The following PTPRG variants were observed in gnomAD, a reference collection of about 807,000 sequenced individuals.
The protein encoded by PTPRG is receptor-type tyrosine-protein phosphatase gamma.
Under a neutral mutation model 165.3 loss-of-function variants are expected in PTPRG, and 102 were observed. The ratio of observed to expected loss-of-function variants is 0.62; its 90% confidence interval spans 0.53 to 0.73. The LOEUF (loss-of-function observed/expected upper bound fraction) is 0.73. Ranked by LOEUF, PTPRG falls within the 30% of genes least tolerant of loss-of-function variation. The pLI, the probability that PTPRG is intolerant of heterozygous loss-of-function variation, is 0.00. For synonymous variants in PTPRG, 675 were observed against 669.5 expected, an observed-to-expected ratio of 1.01 and a Z score of -0.13; for missense variants, 1,866 against 1,861.4, an observed-to-expected ratio of 1.00 and a Z score of -0.05.
intron 6 of PTPRG, among the ~76,000 whole-genome samples, chr3:62,140,534 A>G (rs1187510490): frequency 6.6e-6 from 1 of 152,154 alleles, no homozygotes; most frequent in African/African-American, 2.4e-5. Flanking sequence ...ATTAATCCAT[A>G]GTGATGAAAG....
intron 2 of PTPRG, among the ~76,000 whole-genome samples, chr3:61,824,154 A>G (rs1262242612): frequency 6.6e-6 from 1 of 152,082 alleles, no homozygotes; most frequent in Non-Finnish European, 1.5e-5. Flanking sequence ...ATGAAAAATG[A>G]GTTGACAGTT....
intron 1 of PTPRG, among the ~76,000 whole-genome samples, chr3:61,640,025 G>A (rs1702019944): frequency 6.6e-6 from 1 of 152,088 alleles, no homozygotes; most frequent in South Asian, 2.1e-4. Context: ...AGTATGGAGT[G>A]GTATATACCT....
intron 1 of PTPRG, among the ~76,000 whole-genome samples, chr3:61,711,360 A>G (rs765067271): frequency 1.3e-5 from 2 of 152,260 alleles, no homozygotes; most frequent in Admixed American, 6.5e-5. Context: ...GTCTTCTACA[A>G]TGGTTGAACT....
At chr3:62,209,616 C>T (rs1039020267) in intron 12 of PTPRG, among the ~76,000 whole-genome samples, 1 of 152,148 alleles carries the variant, frequency 6.6e-6, no homozygotes, top group Non-Finnish European at 1.5e-5. Context: ...AGGTTTCTTT[C>T]TAGAGAAATG....
In PTPRG at chr3:62,141,260, AAG is replaced by A. The variant is rs1171399300; in HGVS notation, c.682+8596_682+8597del. Among the ~76,000 whole-genome samples, 129 of 152,112 alleles carry A rather than the reference AAG, an allele frequency of 8.5e-4. 1 individual carries two copies. Among genetic ancestry groups the A allele is most frequent in the Non-Finnish European group, 1.5e-4 (10 of 68,024 alleles). ...TGGCAGTATCTAGTAAAATGAATCT[AAG>A]AGATTCCATTTCTATGTCTGTCCCC... On this transcript the variant is annotated intron_variant, in intron 6 of 29. Coordinates refer to ENST00000474889, the MANE Select transcript of PTPRG (RefSeq NM_002841.4).
intron 2 of PTPRG, among the ~76,000 whole-genome samples, chr3:61,882,878 T>G (rs937768368): frequency 1.3e-5 from 2 of 152,220 alleles, no homozygotes; most frequent in Non-Finnish European, 2.9e-5. Context: ...CCTTCAGTAT[T>G]CAGCCTTCAT....
intron 6 of PTPRG, among the ~76,000 whole-genome samples, chr3:62,145,407 A>C (rs1704081832): frequency 6.6e-6 from 1 of 152,186 alleles, no homozygotes. Context: ...GTGGACTTGA[A>C]TATGGAAACC....
At chr3:61,658,710 T>C (rs909054451) in intron 1 of PTPRG, among the ~76,000 whole-genome samples, 1 of 152,196 alleles carries the variant, frequency 6.6e-6, no homozygotes, top group Non-Finnish European at 1.5e-5. Context: ...TTCACTGCTC[T>C]GTCTCAGCAC....
chr3:61,583,800 C>T (rs1444597720), intron 1 of PTPRG, among the ~76,000 whole-genome samples: 1 of 152,130 alleles, frequency 6.6e-6, no homozygotes, highest in Non-Finnish European at 1.5e-5. Context: ...TGATCCTTGC[C>T]CTTTCAAAGC....
intron 7 of PTPRG, among the ~76,000 whole-genome samples, chr3:62,166,347 A>G (rs1038251427): frequency 6.8e-6 from 1 of 147,494 alleles, no homozygotes; most frequent in Admixed American, 6.8e-5. Flanking sequence ...TTTTTTTATT[A>G]TTTTTTTGAG....
At chr3:62,191,783 A>G (rs1237395884) in intron 9 of PTPRG, 130 bp downstream of exon 9, 1 of 973,938 alleles carries the variant, frequency 1.0e-6, no homozygotes, top group Admixed American at 2.6e-5. Context: ...GAACATGGGC[A>G]CTGCCATTGC....
At chr3:61,606,157 G>C (rs1700999922) in intron 1 of PTPRG, among the ~76,000 whole-genome samples, 1 of 152,226 alleles carries the variant, frequency 6.6e-6, no homozygotes, top group Non-Finnish European at 1.5e-5. Context: ...AAATTAGGGT[G>C]CCAGCCAGGG....
rs10642619 is a variant in PTPRG at position 61,870,317 on chromosome 3, C to CTTTT, written c.191-119296_191-119293dup. On this transcript the variant is annotated intron_variant, in intron 2 of 29. Coordinates refer to ENST00000474889, the MANE Select transcript of PTPRG (RefSeq NM_002841.4). ...CCATTGTCAACTAGGAAAAATTATT[C>CTTTT]TTTTTTTTTTTTTTTGGAGACGGAG... is the stretch of plus-strand genomic sequence containing the variant. Among the ~76,000 whole-genome samples, 1,241 of 136,336 alleles carry CTTTT rather than the reference C, an allele frequency of 9.1e-3. 36 individuals are homozygous for CTTTT. The highest frequency in any genetic ancestry group is 0.031 in the African/African-American group (1,135 of 36,332). The allele number at this position is 136,336 out of a possible 152,430, so 89.4% of individuals were successfully genotyped here.
intron 2 of PTPRG, among the ~76,000 whole-genome samples, chr3:61,923,942 G>T (rs754066261): frequency 2.6e-5 from 4 of 152,016 alleles, no homozygotes; most frequent in Admixed American, 2.0e-4. Context: ...GAATAACTAG[G>T]AGAAACATTC....
At chr3:61,746,438 AT>A (rs926171055) in intron 1 of PTPRG, among the ~76,000 whole-genome samples, 1 of 151,428 alleles carries the variant, frequency 6.6e-6, no homozygotes, top group African/African-American at 2.4e-5. Context: ...ACACGCGCTA[AT>A]TTTTTTATTT....
chr3:61,957,080 T>C (rs2040049773), intron 2 of PTPRG, among the ~76,000 whole-genome samples: 1 of 152,246 alleles, frequency 6.6e-6, no homozygotes, highest in Non-Finnish European at 1.5e-5. Flanking sequence ...GAATGCATGC[T>C]GCTTGTCTAT....
chr3:62,283,754 A>G (rs767871098), intron 28 of PTPRG, among the ~76,000 whole-genome samples: 40 of 152,092 alleles, frequency 2.6e-4, no homozygotes, highest in Non-Finnish European at 5.0e-4. Flanking sequence ...CTAATGCTGT[A>G]TCATGATGTA....
chr3:62,275,299 A>G (rs536416255), intron 23 of PTPRG, among the ~76,000 whole-genome samples: 5 of 152,256 alleles, frequency 3.3e-5, no homozygotes, highest in East Asian at 3.9e-4. Flanking sequence ...CTCGTAATCA[A>G]TAGCATTAAG....
chr3:61,950,453 C>T (rs188076162), intron 2 of PTPRG, among the ~76,000 whole-genome samples: 230 of 152,284 alleles, frequency 1.5e-3, no homozygotes, highest in Non-Finnish European at 2.3e-3. Flanking sequence ...GAAGTAAATG[C>T]TGAAAGAAAA....
Sources: gnomAD v4.1 joint callset for allele counts (sites outside exome capture counted in the v4.1 genomes callset) on GRCh38, gnomAD v4.1.1 for gene constraint, MANE v1.5 for transcripts, NCBI Gene and HGNC (gene_info 2026-07-23, HGNC 2026-07-21) for gene names.